LRRIQ1: variants seen among roughly 807,000 people sequenced by gnomAD.
LRRIQ1 encodes leucine-rich repeat- and IQ domain-containing protein 1.
A neutral mutation model predicts 211.9 loss-of-function variants in LRRIQ1; 210 were observed. The ratio of observed to expected loss-of-function variants is 0.99; its 90% CI spans 0.89 to 1.11. The LOEUF (loss-of-function observed/expected upper bound fraction) is 1.11, where lower values mean the gene tolerates loss of function less well. Ranked by LOEUF, LRRIQ1 falls within the 50% of genes most tolerant of loss-of-function variation. LRRIQ1 has a pLI of 0.00. For synonymous variants in LRRIQ1, 699 were observed against 650.1 expected (o/e 1.08, Z -1.14); for missense variants, 2,136 against 1,939.5 (o/e 1.10, Z -1.90).
chr12:85,246,796 A>G (rs1481869416), downstream of LRRIQ1, among the ~76,000 whole-genome samples: 1 of 151,610 alleles, frequency 6.6e-6, no homozygotes, highest in Non-Finnish European at 1.5e-5. Context: ...TTTTAAAAAA[A>G]TAATAAAATG....
intron 24 of LRRIQ1, 111 bp downstream of exon 24, chr12:85,160,825 T>A: frequency 2.2e-6 from 1 of 454,740 alleles, no homozygotes; most frequent in Non-Finnish European, 3.6e-6. Context: ...ATATAAAGAA[T>A]TATGTATAAC....
intron 10 of LRRIQ1, among the ~76,000 whole-genome samples, chr12:85,069,864 A>T (rs1272068865): frequency 2.0e-5 from 3 of 151,950 alleles, no homozygotes; most frequent in Non-Finnish European, 4.4e-5. Flanking sequence ...AGTAGGTTGC[A>T]AACATTTTCT....
At chr12:85,097,725 A>G (rs1203442441) in intron 11 of LRRIQ1, among the ~76,000 whole-genome samples, 1 of 152,158 alleles carries the variant, frequency 6.6e-6, no homozygotes, top group Non-Finnish European at 1.5e-5. Flanking sequence ...CTTCCTCAGC[A>G]TCTTTTTCTC....
intron 19 of LRRIQ1, among the ~76,000 whole-genome samples, chr12:85,144,976 A>G (rs1486579501): frequency 6.6e-6 from 1 of 150,882 alleles, no homozygotes; most frequent in Non-Finnish European, 1.5e-5. Flanking sequence ...TTCTTGCTTA[A>G]ATTTTTCTGT....
intron 23 of LRRIQ1, among the ~76,000 whole-genome samples, chr12:85,156,154 T>C (rs181280392): frequency 1.3e-5 from 2 of 151,874 alleles, no homozygotes; most frequent in Middle Eastern, 3.4e-3. Flanking sequence ...TGCATTCTTA[T>C]TACCGTGTAA....
chr12:85,161,171 T>C (rs1333305018), intron 24 of LRRIQ1, among the ~76,000 whole-genome samples: 1 of 152,114 alleles, frequency 6.6e-6, no homozygotes, highest in East Asian at 1.9e-4. Context: ...CAACTCACTG[T>C]TGGAGTGAAG....
chr12:85,111,687 G>A (rs572505858), intron 15 of LRRIQ1, among the ~76,000 whole-genome samples: 1 of 152,200 alleles, frequency 6.6e-6, no homozygotes, highest in Non-Finnish European at 1.5e-5. Context: ...GTTTAGTTCT[G>A]AATATATTTC....
At chr12:85,162,655 G>C (rs373181773) in intron 24 of LRRIQ1, 1 of 418,330 alleles carries the variant, frequency 2.4e-6, no homozygotes, top group Non-Finnish European at 4.7e-6. Context: ...AAATATGCTA[G>C]AAATAGTTCA....
intron 6 of LRRIQ1, among the ~76,000 whole-genome samples, chr12:85,050,139 A>T (rs1880125785): frequency 6.6e-6 from 1 of 152,146 alleles, no homozygotes; most frequent in Non-Finnish European, 1.5e-5. Context: ...AAAGACCTTC[A>T]TAAGGGACCT....
At chr12:85,109,058 T>A (rs1357879214) in intron 15 of LRRIQ1, among the ~76,000 whole-genome samples, 1 of 152,142 alleles carries the variant, frequency 6.6e-6, no homozygotes, top group African/African-American at 2.4e-5. Flanking sequence ...CTGCAAGGTG[T>A]GGCCATGTCC....
At chr12:85,267,388 A>G (rs1267359984), downstream of LRRIQ1, among the ~76,000 whole-genome samples, 1 of 152,074 alleles carries the variant, frequency 6.6e-6, no homozygotes, top group African/African-American at 2.4e-5. Flanking sequence ...TAGCCCCTAA[A>G]ATTACATGTC....
chr12:85,046,198 A>T (rs1469044689), intron 5 of LRRIQ1, 61 bp downstream of exon 5: 22 of 986,300 alleles, frequency 2.2e-5, no homozygotes, highest in Non-Finnish European at 3.1e-5. Context: ...ATAGTTATTT[A>T]AAAAAAATTG....
intron 11 of LRRIQ1, among the ~76,000 whole-genome samples, chr12:85,094,816 A>G (rs1260531216): frequency 6.6e-6 from 1 of 151,736 alleles, no homozygotes; most frequent in Non-Finnish European, 1.5e-5. Context: ...CTTTGTAGAG[A>G]TCTTTCACAT....
At chr12:85,163,842 T>G (rs1371570823) in intron 24 of LRRIQ1, among the ~76,000 whole-genome samples, 1 of 152,112 alleles carries the variant, frequency 6.6e-6, no homozygotes, top group Non-Finnish European at 1.5e-5. Flanking sequence ...TTTTTCTATA[T>G]TCATAAAATG....
chr12:85,073,587 G>A (rs181247859), intron 11 of LRRIQ1, among the ~76,000 whole-genome samples: 2 of 152,090 alleles, frequency 1.3e-5, no homozygotes, highest in East Asian at 3.9e-4. Flanking sequence ...AATTTTTTTG[G>A]TAAGTAGTGG....
At chr12:85,122,810 C>G (rs1888083985) in intron 16 of LRRIQ1, among the ~76,000 whole-genome samples, 1 of 151,880 alleles carries the variant, frequency 6.6e-6, no homozygotes, top group Non-Finnish European at 1.5e-5. Flanking sequence ...TTACATTTGT[C>G]TTTATGCAAA....
intron 15 of LRRIQ1, among the ~76,000 whole-genome samples, chr12:85,115,355 T>TTA (rs1887496773): frequency 6.6e-6 from 1 of 152,204 alleles, no homozygotes; most frequent in African/African-American, 2.4e-5. Context: ...TGTTCTTTAA[T>TTA]AAGTAAATAA....
intron 7 of LRRIQ1, among the ~76,000 whole-genome samples, chr12:85,053,051 A>T (rs1880519376): frequency 6.6e-6 from 1 of 152,118 alleles, no homozygotes; most frequent in South Asian, 2.1e-4. Context: ...ATAAAATTAA[A>T]ATTTAGTGGG....
At chr12:85,041,708 A>T (rs965307714) in intron 3 of LRRIQ1, among the ~76,000 whole-genome samples, 3 of 151,858 alleles carry the variant, frequency 2.0e-5, no homozygotes, top group Non-Finnish European at 4.4e-5. Flanking sequence ...CATATAAAAA[A>T]TTTTGAGTAA....
Sources: gnomAD v4.1 joint callset for allele counts (sites outside exome capture counted in the v4.1 genomes callset) on GRCh38, gnomAD v4.1.1 for gene constraint, MANE v1.5 for transcripts, NCBI Gene and HGNC (gene_info 2026-07-23, HGNC 2026-07-21) for gene names.